Variants in ADGRD1 observed in about 807,000 individuals in gnomAD.
The protein encoded by ADGRD1 is G-protein coupled receptor 133.
Under a neutral mutation model 113.4 loss-of-function variants are expected in ADGRD1, and 77 were observed. That is an observed-to-expected ratio of 0.68 (90% confidence interval 0.57 to 0.82). The LOEUF is 0.82. Ranked by LOEUF, ADGRD1 falls within the 40% of genes least tolerant of loss-of-function variation. ADGRD1 has a pLI of 0.00. For missense variants in ADGRD1, 1,036 were observed against 1,139.1 expected (o/e 0.91, Z 1.30); for synonymous variants, 474 against 475.0 (o/e 1.00, Z 0.03).
Position 131,003,546 on chromosome 12 carries a change from G to A in ADGRD1, c.1144+244G>A, listed in dbSNP as rs555786624. ...ACTTGGGAGCCAAGCTCCTGCCCTG[G>A]GATGATGGTCTCGGTTCAGAGCAGG... On this transcript the variant is annotated intron_variant, in intron 10 of 24. Coordinates refer to ENST00000261654, the MANE Select transcript of ADGRD1 (RefSeq NM_198827.5). This position sits in a 1 kb window ranked among gnomAD's most constrained non-coding sequence, Gnocchi z 4.8. Among the ~76,000 whole-genome samples the A allele has an allele frequency of 6.6e-6, 1 of 152,318 alleles. No individual in the cohort carries two copies. The highest frequency in any genetic ancestry group is 1.9e-4 in the East Asian group (1 of 5,174).
At chr12:130,959,519 C>T (rs1279052934) in intron 2 of ADGRD1, among the ~76,000 whole-genome samples, 2 of 152,120 alleles carry the variant, frequency 1.3e-5, no homozygotes, top group Admixed American at 1.3e-4. Context: ...TGCAGTGAAC[C>T]GTGATCACAC....
intron 13 of ADGRD1, among the ~76,000 whole-genome samples, chr12:131,039,803 A>C (rs927322254): frequency 6.6e-6 from 1 of 152,254 alleles, no homozygotes; most frequent in Non-Finnish European, 1.5e-5. Flanking sequence ...TCTGCTTTAA[A>C]ATAATGAATT....
chr12:131,102,337 G>A (rs1593218203), intron 15 of ADGRD1, among the ~76,000 whole-genome samples: 1 of 152,308 alleles, frequency 6.6e-6, no homozygotes, highest in Middle Eastern at 3.4e-3. Flanking sequence ...GCTGCGGTGG[G>A]AATGCACTGG....
At chr12:130,975,764 A>G (rs549215649) in intron 4 of ADGRD1, among the ~76,000 whole-genome samples, 1 of 152,334 alleles carries the variant, frequency 6.6e-6, no homozygotes, top group East Asian at 1.9e-4. Context: ...ACAACGGCAG[A>G]AAAAGAAGCC....
chr12:131,012,666 G>A (rs1305587912), intron 12 of ADGRD1, among the ~76,000 whole-genome samples: 1 of 152,208 alleles, frequency 6.6e-6, no homozygotes, highest in Non-Finnish European at 1.5e-5. Flanking sequence ...CCCATCCCAG[G>A]CAGGGTCACT....
In ADGRD1 at chr12:131,091,535, G is replaced by A. The variant is rs200492011; in HGVS notation, c.1671+6872G>A. Among the ~76,000 whole-genome samples the A allele has an allele frequency of 8.5e-5, 13 of 152,342 alleles. No homozygotes were observed. The East Asian group carries it at 2.1e-3, about 25-fold the overall frequency. ...TTTCCAAGGTAACATTGTGTGAAAA[G>A]GACAAGACGTAGACTAGAGTGATAC... On this transcript the variant is annotated intron_variant, in intron 15 of 24. Coordinates refer to ENST00000261654, the MANE Select transcript of ADGRD1 (RefSeq NM_198827.5).
At chr12:131,085,855 C>G (rs938547166) in intron 15 of ADGRD1, among the ~76,000 whole-genome samples, 5 of 152,136 alleles carry the variant, frequency 3.3e-5, no homozygotes, top group Admixed American at 3.3e-4. Flanking sequence ...CAGCGTCTCC[C>G]GGACAGATTT....
chr12:130,978,182 G>A (rs1405650540), intron 4 of ADGRD1: 1 of 152,116 alleles, frequency 6.6e-6, no homozygotes, highest in African/African-American at 2.4e-5. Flanking sequence ...CATATGAAGG[G>A]AATTAACTTC....
chr12:131,095,848 CT>C (rs2137275584), intron 15 of ADGRD1, among the ~76,000 whole-genome samples: 1 of 152,266 alleles, frequency 6.6e-6, no homozygotes, highest in South Asian at 2.1e-4. Context: ...CTCGAGGGTT[CT>C]TTTTGGGACA....
intron 13 of ADGRD1, among the ~76,000 whole-genome samples, chr12:131,073,157 G>A (rs531912834): frequency 6.6e-6 from 1 of 152,310 alleles, no homozygotes; most frequent in South Asian, 2.1e-4. Context: ...GCTGGAACCA[G>A]GTTCTGAAAG....
chr12:130,968,844 A>G, intron 3 of ADGRD1: 2 of 623,022 alleles, frequency 3.2e-6, no homozygotes, highest in South Asian at 3.9e-5. Context: ...GTGAGGTCCG[A>G]AGAGAAAGTC....
intron 13 of ADGRD1, among the ~76,000 whole-genome samples, chr12:131,052,227 C>T (rs1024536991): frequency 9.2e-5 from 14 of 152,176 alleles, no homozygotes; most frequent in African/African-American, 3.1e-4. Context: ...GCTGTGCGAG[C>T]CACTCCCGGG....
intron 14 of ADGRD1, among the ~76,000 whole-genome samples, chr12:131,077,625 GC>G (rs199520984): frequency 5.3e-5 from 8 of 151,626 alleles, no homozygotes; most frequent in African/African-American, 1.9e-4. Flanking sequence ...GAGGGGTGGG[GC>G]CTCCGGATCC....
intron 4 of ADGRD1, among the ~76,000 whole-genome samples, chr12:130,974,051 C>T (rs1042934686): frequency 5.9e-5 from 9 of 152,186 alleles, no homozygotes; most frequent in African/African-American, 1.9e-4. Context: ...CTCACTGTGC[C>T]CCCCTGGGTC....
At chr12:130,985,441 A>T (rs781311127) in intron 5 of ADGRD1, among the ~76,000 whole-genome samples, 5 of 152,142 alleles carry the variant, frequency 3.3e-5, no homozygotes, top group Non-Finnish European at 7.3e-5. Context: ...ACTAAACCCA[A>T]GGTCATCTAG....
chr12:131,100,948 A>G (rs1327031107), intron 15 of ADGRD1, among the ~76,000 whole-genome samples: 1 of 152,192 alleles, frequency 6.6e-6, no homozygotes, highest in Non-Finnish European at 1.5e-5. Flanking sequence ...AGATGGGTAG[A>G]TGTGAGGGCT....
chr12:130,973,548 C>T (rs748998401), intron 4 of ADGRD1, among the ~76,000 whole-genome samples: 3 of 152,132 alleles, frequency 2.0e-5, no homozygotes, highest in Non-Finnish European at 4.4e-5. Context: ...ACAGACGGGC[C>T]GTTGTGGTTG....
chr12:130,961,771 C>T (rs1400225677), intron 2 of ADGRD1, among the ~76,000 whole-genome samples: 2 of 152,142 alleles, frequency 1.3e-5, no homozygotes, highest in African/African-American at 4.8e-5. Flanking sequence ...CCATTAGCAC[C>T]ACACAATGTT....
intron 13 of ADGRD1, among the ~76,000 whole-genome samples, chr12:131,018,952 A>G (rs1348507151): frequency 1.3e-5 from 2 of 152,188 alleles, no homozygotes; most frequent in East Asian, 3.9e-4. Flanking sequence ...GCCTGAGGAC[A>G]TGACAGGCAG....
Sources: allele counts gnomAD v4.1 joint callset (sites outside exome capture counted in the v4.1 genomes callset), GRCh38; gene constraint gnomAD v4.1.1; non-coding constraint Gnocchi (gnomAD v3.1); transcripts MANE v1.5; gene names NCBI Gene and HGNC (gene_info 2026-07-23, HGNC 2026-07-21).